The following B4GALNT3 variants were observed in gnomAD, a reference collection of about 807,000 sequenced individuals.
The protein encoded by B4GALNT3 is beta-1,4-N-acetyl-galactosaminyltransferase 3.
In B4GALNT3, 86 loss-of-function variants were observed where a neutral mutation model predicts 120.2. That is an observed-to-expected ratio of 0.72 (90% CI 0.60 to 0.86). The LOEUF (loss-of-function observed/expected upper bound fraction) is 0.86, where lower values mean the gene tolerates loss of function less well. Among genes scored for constraint, B4GALNT3 ranks in the 40% least tolerant of loss-of-function variants. The probability of loss-of-function intolerance (pLI) is 0.00; values close to 1 mark genes in which losing one functional copy is unlikely to be tolerated. For missense variants in B4GALNT3, 1,167 were observed against 1,298.9 expected (o/e 0.90, Z 1.56); for synonymous variants, 518 against 510.4 (o/e 1.01, Z -0.20).
chr12:551,099 G>A, intron 11 of B4GALNT3, 68 bp downstream of exon 11: 2 of 1,332,244 alleles, frequency 1.5e-6, no homozygotes, highest in Non-Finnish European at 2.1e-6. Flanking sequence ...ACTGGGATGG[G>A]AGGTGGTGAG....
intron 1 of B4GALNT3, among the ~76,000 whole-genome samples, chr12:511,472 T>TCTTCCAC (rs1555154927): frequency 1.5e-4 from 4 of 27,036 alleles, no homozygotes; most frequent in African/African-American, 8.4e-4. Context: ...CCTTCCACCT[T>TCTTCCAC]CTTCCACCTT....
intron 1 of B4GALNT3, among the ~76,000 whole-genome samples, chr12:503,258 T>C (rs1282047771): frequency 1.3e-5 from 2 of 152,272 alleles, no homozygotes; most frequent in East Asian, 1.9e-4. Context: ...CAGCCCTGCA[T>C]ACCTGTTCTC....
chr12:491,716 T>C (rs1946341202), intron 1 of B4GALNT3, among the ~76,000 whole-genome samples: 1 of 152,086 alleles, frequency 6.6e-6, no homozygotes, highest in African/African-American at 2.4e-5. Context: ...ACAACTAACA[T>C]TATACTTAAT....
At chr12:462,062 C>G (rs953325854) in intron 1 of B4GALNT3, among the ~76,000 whole-genome samples, 2 of 152,176 alleles carry the variant, frequency 1.3e-5, no homozygotes, top group Admixed American at 1.3e-4. Flanking sequence ...GCCCCTTCCT[C>G]TGATGACCAA....
At chr12:545,607 A>G in intron 6 of B4GALNT3, 138 bp downstream of exon 6, 1 of 812,638 alleles carries the variant, frequency 1.2e-6, no homozygotes, top group Non-Finnish European at 1.9e-6. Flanking sequence ...CTCCTCCCTC[A>G]CCCCTACCCC....
intron 1 of B4GALNT3, among the ~76,000 whole-genome samples, chr12:527,224 G>A (rs192203350): frequency 2.2e-4 from 33 of 152,246 alleles, no homozygotes; most frequent in Admixed American, 1.7e-3. Flanking sequence ...CACCACACCC[G>A]GCTGGTTTTA....
intron 1 of B4GALNT3, among the ~76,000 whole-genome samples, chr12:490,767 A>T (rs1946332988): frequency 1.3e-5 from 2 of 152,084 alleles, no homozygotes; most frequent in African/African-American, 2.4e-5. Context: ...ACACCCCAAA[A>T]TTTGACAACC....
intron 3 of B4GALNT3, 128 bp from the exon 4 acceptor site, chr12:544,211 T>G: frequency 1.3e-6 from 1 of 770,934 alleles, no homozygotes; most frequent in Non-Finnish European, 2.1e-6. Flanking sequence ...GGGGAGGGCA[T>G]GGGGTGCTCA....
At chr12:500,865 C>CTTTTTTTTTTTTTTTTTTCTTTTTTT (rs1946433822) in intron 1 of B4GALNT3, among the ~76,000 whole-genome samples, 1 of 61,830 alleles carries the variant, frequency 1.6e-5, no homozygotes, top group Non-Finnish European at 2.7e-5. Context: ...GGCTCCACTG[C>CTTTTTTTTTTTTTTTTTTCTTTTTTT]TTTTTTTTTT....
intron 1 of B4GALNT3, among the ~76,000 whole-genome samples, chr12:529,330 G>T (rs1946785206): frequency 6.6e-6 from 1 of 152,190 alleles, no homozygotes; most frequent in South Asian, 2.1e-4. Context: ...GCTTTTGGTT[G>T]GGGTCGGGGT....
At chr12:504,814 C>T (rs1330850024) in intron 1 of B4GALNT3, among the ~76,000 whole-genome samples, 1 of 152,088 alleles carries the variant, frequency 6.6e-6, no homozygotes, top group East Asian at 1.9e-4. Flanking sequence ...TTCCCTTAAC[C>T]CTTCTGTCTC....
chr12:486,876 T>A (rs1946295558), intron 1 of B4GALNT3, among the ~76,000 whole-genome samples: 1 of 152,150 alleles, frequency 6.6e-6, no homozygotes, highest in Non-Finnish European at 1.5e-5. Context: ...ATGGAAGAAG[T>A]GTTAGAGAGG....
At chr12:516,607 C>A (rs960581546) in intron 1 of B4GALNT3, among the ~76,000 whole-genome samples, 5 of 152,148 alleles carry the variant, frequency 3.3e-5, no homozygotes, top group African/African-American at 9.7e-5. Context: ...AAAGCAGGTA[C>A]CATTAATAAT....
intron 1 of B4GALNT3, among the ~76,000 whole-genome samples, chr12:517,875 A>C (rs1946672251): frequency 6.6e-6 from 1 of 152,232 alleles, no homozygotes; most frequent in Non-Finnish European, 1.5e-5. Flanking sequence ...GGGGCTCCAC[A>C]ATACTGGCTT....
At chr12:490,727 CAAAA>C (rs35344501) in intron 1 of B4GALNT3, among the ~76,000 whole-genome samples, 1 of 139,438 alleles carries the variant, frequency 7.2e-6, no homozygotes, top group Non-Finnish European at 1.6e-5. Context: ...GACACTGTCT[CAAAA>C]AAAAAAAAAA....
At chr12:498,170 A>C (rs372427085) in intron 1 of B4GALNT3, among the ~76,000 whole-genome samples, 1 of 152,142 alleles carries the variant, frequency 6.6e-6, no homozygotes, top group South Asian at 2.1e-4. Context: ...TTGCCCCTGA[A>C]GAGAGATTGT....
intron 16 of B4GALNT3, 111 bp from the exon 17 acceptor site, chr12:557,905 C>T: frequency 6.8e-7 from 1 of 1,470,074 alleles, no homozygotes; most frequent in Non-Finnish European, 9.4e-7. Context: ...CTCACCTGCC[C>T]ATAATCCCAT....
In B4GALNT3 at chr12:509,729, T is replaced by G. The variant is rs76881774; in HGVS notation, c.170-25437T>G. Among the ~76,000 whole-genome samples, 132 of 152,146 alleles carry G rather than the reference T, an allele frequency of 8.7e-4. 7 individuals are homozygous for G. In the East Asian group the frequency reaches 0.019, roughly 22 times the overall value. Reference sequence around the variant, plus strand: ...GGAGGGATGCCTCCGAGGTGGTGTTTGGAAGGAGGTGCTGAGAGCGGAGCT... The same window carrying G: ...GGAGGGATGCCTCCGAGGTGGTGTTGGGAAGGAGGTGCTGAGAGCGGAGCT... On this transcript the variant is annotated intron_variant, in intron 1 of 19. Coordinates refer to ENST00000266383, the MANE Select transcript of B4GALNT3 (RefSeq NM_173593.4).
intron 15 of B4GALNT3, among the ~76,000 whole-genome samples, chr12:557,391 G>T (rs2075028): frequency 6.6e-6 from 1 of 152,054 alleles, no homozygotes; most frequent in Non-Finnish European, 1.5e-5. Flanking sequence ...AGGAGGGAAC[G>T]TGGGGAGCAG....
Sources: allele counts gnomAD v4.1 joint callset (sites outside exome capture counted in the v4.1 genomes callset), GRCh38; gene constraint gnomAD v4.1.1; transcripts MANE v1.5; gene names NCBI Gene and HGNC (gene_info 2026-07-23, HGNC 2026-07-21).